PRKCB: variants seen among roughly 807,000 people sequenced by gnomAD.
The protein encoded by PRKCB is protein kinase C beta type.
PRKCB carries 13 observed loss-of-function variants against 81.5 expected under a neutral mutation model. The ratio of observed to expected loss-of-function variants is 0.16; its 90% CI spans 0.10 to 0.25. The LOEUF is 0.25. Ranked by LOEUF, PRKCB falls within the 10% of genes least tolerant of loss-of-function variation. PRKCB has a pLI of 1.00. For missense variants in PRKCB, 509 were observed against 875.7 expected (o/e 0.58, Z 5.29); for synonymous variants, 335 against 321.4 (o/e 1.04, Z -0.45).
chr16:24,145,758 G>A (rs1966979118), intron 9 of PRKCB, among the ~76,000 whole-genome samples: 1 of 152,200 alleles, frequency 6.6e-6, no homozygotes, highest in Non-Finnish European at 1.5e-5. Flanking sequence ...TCAGGACAAA[G>A]CTCCCGGGCC....
chr16:24,019,417 C>T (rs1965329943), intron 3 of PRKCB, among the ~76,000 whole-genome samples: 1 of 152,082 alleles, frequency 6.6e-6, no homozygotes, highest in Non-Finnish European at 1.5e-5. Flanking sequence ...ACAAAAGGTA[C>T]CATGTAATAT....
At chr16:24,101,205 A>G (rs1966502474) in intron 7 of PRKCB, among the ~76,000 whole-genome samples, 1 of 152,120 alleles carries the variant, frequency 6.6e-6, no homozygotes, top group Non-Finnish European at 1.5e-5. Flanking sequence ...GTCCCCAAGC[A>G]AGGAGATGGT....
intron 9 of PRKCB, among the ~76,000 whole-genome samples, chr16:24,132,043 G>A (rs926566351): frequency 6.6e-6 from 1 of 152,152 alleles, no homozygotes; most frequent in African/African-American, 2.4e-5. Flanking sequence ...AATCTTTCGT[G>A]TGATCTTGAC....
intron 2 of PRKCB, among the ~76,000 whole-genome samples, chr16:23,838,789 G>C (rs1282195559): frequency 1.3e-5 from 2 of 152,200 alleles, no homozygotes; most frequent in Non-Finnish European, 2.9e-5. Flanking sequence ...TGAGATCGGG[G>C]TCCCGGTGGG....
intron 2 of PRKCB, among the ~76,000 whole-genome samples, chr16:23,848,024 G>T (rs950493713): frequency 1.3e-5 from 2 of 152,162 alleles, no homozygotes; most frequent in Admixed American, 1.3e-4. Flanking sequence ...AGGGGATGAG[G>T]GCAGGGGAGG....
intron 3 of PRKCB, among the ~76,000 whole-genome samples, chr16:24,009,309 A>G (rs1965169828): frequency 6.6e-6 from 1 of 152,244 alleles, no homozygotes; most frequent in Admixed American, 6.5e-5. Flanking sequence ...TGTCCGAGGA[A>G]GACATACAAA....
intron 16 of PRKCB, among the ~76,000 whole-genome samples, chr16:24,196,946 A>G (rs1454193661): frequency 6.6e-6 from 1 of 152,092 alleles, no homozygotes; most frequent in Non-Finnish European, 1.5e-5. Flanking sequence ...TGGTAGGAGG[A>G]AGGTGGTGGT....
At chr16:23,860,062 A>G (rs1485846729) in intron 2 of PRKCB, among the ~76,000 whole-genome samples, 1 of 152,164 alleles carries the variant, frequency 6.6e-6, no homozygotes, top group Non-Finnish European at 1.5e-5. Context: ...GAAGCAGAAA[A>G]AAAGAGGAAT....
At chr16:24,086,348 G>C (rs1227287559) in intron 5 of PRKCB, among the ~76,000 whole-genome samples, 4 of 152,138 alleles carry the variant, frequency 2.6e-5, no homozygotes, top group African/African-American at 9.7e-5. Context: ...GAGGGGCAGG[G>C]CAGGACAGTG....
intron 2 of PRKCB, among the ~76,000 whole-genome samples, chr16:23,937,783 T>C (rs921741394): frequency 6.6e-6 from 1 of 152,180 alleles, no homozygotes; most frequent in African/African-American, 2.4e-5. Context: ...CACAGGCCTC[T>C]TACGATGGCT....
At chr16:24,079,689 G>A (rs1313921135) in intron 5 of PRKCB, among the ~76,000 whole-genome samples, 1 of 152,140 alleles carries the variant, frequency 6.6e-6, no homozygotes, top group Non-Finnish European at 1.5e-5. Flanking sequence ...CTGATTTTGT[G>A]TTCTCTTTTC....
intron 2 of PRKCB, among the ~76,000 whole-genome samples, chr16:23,982,677 C>T (rs1287416432): frequency 6.6e-6 from 1 of 152,088 alleles, no homozygotes; most frequent in Non-Finnish European, 1.5e-5. Flanking sequence ...AATCCTCCTG[C>T]CTCGACCTCC....
chr16:24,156,266 G>C (rs1423217536), intron 10 of PRKCB, among the ~76,000 whole-genome samples: 1 of 152,024 alleles, frequency 6.6e-6, no homozygotes, highest in Non-Finnish European at 1.5e-5. Flanking sequence ...TGTGCTCCAA[G>C]GGTGGCTAAA....
intron 2 of PRKCB, among the ~76,000 whole-genome samples, chr16:23,863,612 A>C (rs6497691): frequency 0.97 from 147,172 of 152,262 alleles, 71,159 homozygotes; most frequent in East Asian, 1. Flanking sequence ...TTGCATTTTG[A>C]ATGCAGTTTC....
chr16:24,028,721 G>A (rs1056487484), intron 3 of PRKCB, among the ~76,000 whole-genome samples: 6 of 152,126 alleles, frequency 3.9e-5, no homozygotes, highest in African/African-American at 7.2e-5. Flanking sequence ...CCATTCACAC[G>A]TCGAACGACA....
intron 2 of PRKCB, among the ~76,000 whole-genome samples, chr16:23,846,998 C>T (rs1415549975): frequency 6.6e-6 from 1 of 152,018 alleles, no homozygotes; most frequent in African/African-American, 2.4e-5. Context: ...AGTTGCCCTA[C>T]AGAGTCAGGA....
chr16:24,215,193 A>G lies in PRKCB; in HGVS notation c.*377A>G. The G allele has an allele frequency of 9.8e-7, 1 of 1,016,542 alleles. No individual in the cohort carries two copies. Among genetic ancestry groups the G allele is most frequent in the Non-Finnish European group, 1.2e-6 (1 of 848,496 alleles). The allele number at this position is 1,016,542 out of a possible 1,614,324, so 63.0% of individuals were successfully genotyped here. On this transcript the variant is annotated 3_prime_UTR_variant, in exon 17 of 17. Coordinates refer to ENST00000643927, the MANE Select transcript of PRKCB (RefSeq NM_002738.7). ...CTGTGGATAATTGGATGTTAGCGGT[A>G]CTCTTCCACTTCCGGGCCTGGAGCT...
chr16:24,110,296 C>T (rs1966658936), intron 7 of PRKCB, among the ~76,000 whole-genome samples: 1 of 150,194 alleles, frequency 6.7e-6, no homozygotes, highest in Admixed American at 6.6e-5. Context: ...ACTGCAACCT[C>T]TGCCTCCCGG....
intron 3 of PRKCB, among the ~76,000 whole-genome samples, chr16:23,995,338 G>T (rs1596503001): frequency 6.6e-6 from 1 of 152,194 alleles, no homozygotes; most frequent in East Asian, 1.9e-4. Context: ...AAGCTGCTTT[G>T]CCACTTGGGC....
Sources: gnomAD v4.1 joint callset for allele counts (sites outside exome capture counted in the v4.1 genomes callset) on GRCh38, gnomAD v4.1.1 for gene constraint, MANE v1.5 for transcripts, NCBI Gene and HGNC (gene_info 2026-07-23, HGNC 2026-07-21) for gene names.